SGCD: variants seen among roughly 807,000 people sequenced by gnomAD.
SGCD encodes delta-sarcoglycan.
In SGCD, 18 loss-of-function variants were observed where a neutral mutation model predicts 36.6. The observed-to-expected ratio is 0.49, with a 90% confidence interval of 0.34 to 0.73. The LOEUF is 0.73. Among genes scored for constraint, SGCD ranks in the 30% least tolerant of loss-of-function variants. SGCD has a pLI of 0.01. For missense variants in SGCD, 387 were observed against 346.7 expected, an observed-to-expected ratio of 1.12 and a Z score of -0.92; for synonymous variants, 133 against 130.6, an observed-to-expected ratio of 1.02 and a Z score of -0.12.
intron 7 of SGCD, among the ~76,000 whole-genome samples, chr5:156,745,683 AAC>A (rs1349118255): frequency 6.6e-6 from 1 of 152,228 alleles, no homozygotes; most frequent in Non-Finnish European, 1.5e-5. Flanking sequence ...TGCATAAAAA[AAC>A]ACAGGAATAA....
chr5:155,791,937 C>A, the SGCD span, among the ~76,000 whole-genome samples: 1 of 151,936 alleles, frequency 6.6e-6, no homozygotes, highest in African/African-American at 2.4e-5. Context: ...GCAAAAAGAG[C>A]AAAAATAGCC....
At chr5:156,130,748 T>C (rs1581118029) in intron 3 of SGCD, among the ~76,000 whole-genome samples, 1 of 151,986 alleles carries the variant, frequency 6.6e-6, no homozygotes, top group Non-Finnish European at 1.5e-5. Context: ...TCTTTTGAGA[T>C]GGAGTTTCGC....
chr5:156,277,198 C>T (rs544223931), intron 3 of SGCD, among the ~76,000 whole-genome samples: 1 of 152,266 alleles, frequency 6.6e-6, no homozygotes, highest in East Asian at 1.9e-4. Flanking sequence ...GCAAGCCTTA[C>T]CTGTCCCTCT....
chr5:156,735,312 A>G (rs1175961469), intron 7 of SGCD, among the ~76,000 whole-genome samples: 1 of 151,736 alleles, frequency 6.6e-6, no homozygotes, highest in African/African-American at 2.4e-5. Flanking sequence ...GTCAGCTTGG[A>G]CTCTCCAAAG....
intron 3 of SGCD, among the ~76,000 whole-genome samples, chr5:156,212,291 T>C (rs1434997458): frequency 6.6e-6 from 1 of 152,066 alleles, no homozygotes; most frequent in Non-Finnish European, 1.5e-5. Context: ...AGAACACATA[T>C]AGAGTGAGAG....
chr5:156,374,893 G>A (rs936522078), intron 3 of SGCD, among the ~76,000 whole-genome samples: 1 of 152,088 alleles, frequency 6.6e-6, no homozygotes, highest in Non-Finnish European at 1.5e-5. Context: ...TCTGAGAATA[G>A]CAATTTTAAA....
intron 7 of SGCD, among the ~76,000 whole-genome samples, chr5:156,735,989 G>A (rs560716141): frequency 7.9e-5 from 12 of 152,160 alleles, no homozygotes; most frequent in Non-Finnish European, 1.8e-4. Context: ...AGATCCATGG[G>A]AGAAGAGTTT....
At chr5:156,435,227 G>A (rs76053905) in intron 3 of SGCD, among the ~76,000 whole-genome samples, 2,178 of 152,200 alleles carry the variant, frequency 0.014, 43 homozygotes, top group African/African-American at 0.048. Context: ...ACAGAAAGGC[G>A]GTATTACTTG....
chr5:155,962,513 T>A (rs757192862), intron 1 of SGCD, among the ~76,000 whole-genome samples: 3 of 152,074 alleles, frequency 2.0e-5, no homozygotes, highest in Non-Finnish European at 4.4e-5. Flanking sequence ...TCCTGCAAGC[T>A]CCTGCATCAA....
At chr5:156,226,929 A>G (rs1764874020) in intron 3 of SGCD, among the ~76,000 whole-genome samples, 1 of 151,732 alleles carries the variant, frequency 6.6e-6, no homozygotes, top group Non-Finnish European at 1.5e-5. Context: ...CCTTAAGCCC[A>G]CTTTTTGATG....
At chr5:156,334,222 T>C (rs1462865518) in intron 2 of SGCD, among the ~76,000 whole-genome samples, 1 of 152,136 alleles carries the variant, frequency 6.6e-6, no homozygotes, top group Non-Finnish European at 1.5e-5. Flanking sequence ...CATGGGGTTT[T>C]AGAAAGCACC....
At chr5:156,358,429 ATT>A (rs2127728252) in intron 3 of SGCD, among the ~76,000 whole-genome samples, 1 of 152,338 alleles carries the variant, frequency 6.6e-6, no homozygotes, top group East Asian at 1.9e-4. Flanking sequence ...AATGGTTTCT[ATT>A]GGAAATCCTC....
rs372421216 is a variant in SGCD, at chr5:156,258,844, G to A, written c.-43-70690G>A. ...TTGCTCAGTTTTAATTTCTAATATGGCACATATGGTAGATAATTACCATAT... is the reference window on the plus strand; with the variant it reads ...TTGCTCAGTTTTAATTTCTAATATGACACATATGGTAGATAATTACCATAT... On this transcript the variant is annotated intron_variant, in intron 3 of 9. Transcript: ENST00000517913. 2.2e-4 allele frequency among the ~76,000 whole-genome samples: 34 copies of A among 151,984 alleles called. No homozygotes were observed. In the East Asian group the frequency reaches 3.1e-3, roughly 14 times the overall value.
At chr5:156,311,682 T>A (rs1201443473) in intron 3 of SGCD, among the ~76,000 whole-genome samples, 1 of 152,154 alleles carries the variant, frequency 6.6e-6, no homozygotes, top group Non-Finnish European at 1.5e-5. Flanking sequence ...AGAGTTCTAA[T>A]CATATTGGGT....
chr5:155,939,247 A>G (rs189212381), intron 1 of SGCD, among the ~76,000 whole-genome samples: 1 of 152,340 alleles, frequency 6.6e-6, no homozygotes, highest in Admixed American at 6.5e-5. Flanking sequence ...TGAGGTAATG[A>G]CTATGTTAAT....
the SGCD span, among the ~76,000 whole-genome samples, chr5:155,778,161 C>T: frequency 6.6e-6 from 1 of 152,044 alleles, no homozygotes; most frequent in East Asian, 1.9e-4. Context: ...CAAAGAATAG[C>T]AAAACACAGC....
chr5:155,944,134 G>A (rs954718139), intron 1 of SGCD, among the ~76,000 whole-genome samples: 6 of 152,172 alleles, frequency 3.9e-5, no homozygotes, highest in African/African-American at 1.4e-4. Flanking sequence ...CTCATGGGAT[G>A]CAGACCATTT....
chr5:155,732,397 G>T, the SGCD span, among the ~76,000 whole-genome samples: 1 of 152,208 alleles, frequency 6.6e-6, no homozygotes, highest in Non-Finnish European at 1.5e-5. Context: ...ATGTACCGTG[G>T]TAGCTGCTAA....
intron 3 of SGCD, among the ~76,000 whole-genome samples, chr5:156,482,035 C>T (rs911453728): frequency 3.3e-5 from 5 of 152,152 alleles, no homozygotes; most frequent in African/African-American, 1.2e-4. Flanking sequence ...TGCTCCTTTC[C>T]CACATCTGTG....
Sources: gnomAD v4.1 joint callset for allele counts (sites outside exome capture counted in the v4.1 genomes callset) on GRCh38, gnomAD v4.1.1 for gene constraint, MANE v1.5 for transcripts, NCBI Gene and HGNC (gene_info 2026-07-23, HGNC 2026-07-21) for gene names.